TIAM2: variants seen among roughly 807,000 people sequenced by gnomAD.
TIAM2 encodes the protein TIAM Rac1 associated GEF 2, also known as rho guanine nucleotide exchange factor TIAM2.
A neutral mutation model predicts 152.9 loss-of-function variants in TIAM2; 80 were observed. The observed-to-expected ratio is 0.52, with a 90% CI of 0.44 to 0.63. The LOEUF is 0.63. Among genes scored for constraint, TIAM2 ranks in the 30% least tolerant of loss-of-function variants. The pLI, the probability that TIAM2 is intolerant of heterozygous loss-of-function variation, is 0.00. For synonymous variants in TIAM2, 804 were observed against 838.0 expected (o/e 0.96, Z 0.70); for missense variants, 1,965 against 2,120.1 (o/e 0.93, Z 1.44).
chr6:155,198,593 C>G (rs1346895879), intron 14 of TIAM2, among the ~76,000 whole-genome samples: 2 of 130,806 alleles, frequency 1.5e-5, no homozygotes, highest in African/African-American at 5.9e-5. Context: ...ACCCGGGAGG[C>G]AGAGGTTGTG....
At chr6:155,055,870 GAGGAT>G (rs1330265148) in intron 1 of TIAM2, among the ~76,000 whole-genome samples, 1 of 152,088 alleles carries the variant, frequency 6.6e-6, no homozygotes, top group African/African-American at 2.4e-5. Flanking sequence ...TCTGAAGTGG[GAGGAT>G]CCCTTGAGCC....
chr6:155,016,815 G>A (rs928447875), intron 1 of TIAM2, among the ~76,000 whole-genome samples: 2 of 152,150 alleles, frequency 1.3e-5, no homozygotes, highest in Non-Finnish European at 2.9e-5. Context: ...CAGGAGAATC[G>A]CTTGAACCTG....
At position 155,083,809 on chromosome 6, in the gene TIAM2, T is replaced by G. The variant is rs558774110; in HGVS notation, c.-208-6480T>G. ...TGTCTTGGCAAGGGATGGCATAGTA[T>G]TTCCAGAAGTAAAGTCTTATATGCT... On this transcript the variant is annotated intron_variant, in intron 1 of 26. Transcript: ENST00000682666. 2.1e-3 allele frequency among the ~76,000 whole-genome samples: 318 copies of G among 152,334 alleles called. 1 individual carries two copies. The highest frequency in any genetic ancestry group is 7.1e-3 in the African/African-American group (294 of 41,576).
In TIAM2 at chr6:155,130,068, C is replaced by T; in HGVS notation, c.845C>T (p.Pro282Leu). 6.2e-7 allele frequency: 1 copy of T among 1,614,092 alleles called. No homozygotes were observed. The highest frequency in any genetic ancestry group is 1.1e-5 in the South Asian group (1 of 91,082). Residue 282 changes from proline to leucine, a missense_variant, in exon 4 of 27, where the codon CCA becomes CTA. Physicochemically the swap from Pro to Leu is moderately conservative, Grantham distance 98. Coordinates refer to ENST00000682666, the MANE Select transcript of TIAM2 (RefSeq NM_012454.4). ...GACCCCAGTCTCCATGCCAGCTTCC[C>T]ACCTGGCGATGCCAAAAAGCCTTTC... is the stretch of plus-strand genomic sequence containing the variant. Reference protein sequence around the residue: ...MPDPSLHASFPPGDAKKPFNQ... With the variant: ...MPDPSLHASFLPGDAKKPFNQ...
intron 14 of TIAM2, among the ~76,000 whole-genome samples, chr6:155,187,431 T>C (rs1781065575): frequency 6.6e-6 from 1 of 152,034 alleles, no homozygotes; most frequent in Non-Finnish European, 1.5e-5. Flanking sequence ...TAATAATGTT[T>C]AGGAAAATGG....
intron 1 of TIAM2, among the ~76,000 whole-genome samples, chr6:155,004,228 T>A (rs921269434): frequency 3.3e-5 from 5 of 152,068 alleles, no homozygotes; most frequent in African/African-American, 7.2e-5. Context: ...CAAGACAAGA[T>A]GTTTGATTGG....
At chr6:155,070,726 T>A (rs993439746) in intron 1 of TIAM2, among the ~76,000 whole-genome samples, 1 of 152,190 alleles carries the variant, frequency 6.6e-6, no homozygotes, top group Non-Finnish European at 1.5e-5. Flanking sequence ...TGCTGTAAAC[T>A]GATCATCTTA....
At chr6:155,047,700 A>AGAGAGGG (rs1562300184) in intron 1 of TIAM2, among the ~76,000 whole-genome samples, 1 of 25,802 alleles carries the variant, frequency 3.9e-5, no homozygotes, top group African/African-American at 1.7e-4. Context: ...AGAGAGAGAG[A>AGAGAGGG]GAGAGCGAGA....
chr6:155,044,307 G>C (rs973617832), intron 1 of TIAM2, among the ~76,000 whole-genome samples: 1 of 152,170 alleles, frequency 6.6e-6, no homozygotes, highest in Admixed American at 6.6e-5. Flanking sequence ...ACGGGATCAC[G>C]CAGCTATCTT....
rs1033260264 is a variant in TIAM2 at position 155,074,374 on chromosome 6, G to A, written c.-208-15915G>A. ...TTTGTTTGTTTTTTTGTTTTTTGAG[G>A]TGGAGTCTCGCTCAGTCGCCCAGGC... On this transcript the variant is annotated intron_variant, in intron 1 of 26. Transcript: ENST00000682666. 1.1e-4 allele frequency among the ~76,000 whole-genome samples: 17 copies of A among 151,542 alleles called. 1 individual carries two copies. In the South Asian group the frequency reaches 3.1e-3, roughly 28 times the overall value.
At chr6:155,113,387 T>C (rs1045465581) in intron 2 of TIAM2, among the ~76,000 whole-genome samples, 34 of 152,288 alleles carry the variant, frequency 2.2e-4, no homozygotes, top group Admixed American at 1.5e-3. Context: ...CATTTCCTTC[T>C]TTACTATTTT....
rs1303144431 is a variant in TIAM2, at chr6:155,028,671, T to TTA, written c.-209+33188_-209+33189dup. 7.5e-5 allele frequency among the ~76,000 whole-genome samples: 10 copies of TTA among 132,888 alleles called. No individual in the cohort carries two copies. In the South Asian group the frequency reaches 1.9e-3, roughly 25 times the overall value. The allele number at this position is 132,888 out of a possible 152,430, so 87.2% of individuals were successfully genotyped here. On this transcript the variant is annotated intron_variant, in intron 1 of 26. Transcript: ENST00000682666. ...TACTACATATAATATATATACTGTG[T>TTA]TATATATATACTACATATAATATAT...
At chr6:155,073,306 G>T (rs1160874483) in intron 1 of TIAM2, among the ~76,000 whole-genome samples, 1 of 151,906 alleles carries the variant, frequency 6.6e-6, no homozygotes, top group Non-Finnish European at 1.5e-5. Context: ...GGGATTACAG[G>T]CGTGTGCCAC....
chr6:155,050,564 G>T (rs1238151588), intron 1 of TIAM2, among the ~76,000 whole-genome samples: 1 of 152,190 alleles, frequency 6.6e-6, no homozygotes. Context: ...GCTCCTGTCT[G>T]CTTACTGGAG....
intron 2 of TIAM2, among the ~76,000 whole-genome samples, chr6:155,126,186 A>C (rs1484537654): frequency 6.6e-6 from 1 of 152,244 alleles, no homozygotes; most frequent in African/African-American, 2.4e-5. Context: ...CGTGGATGAA[A>C]CTTGAGGGCA....
At position 155,253,067 on chromosome 6, in the gene TIAM2, G is replaced by A. The variant is rs753964236; in HGVS notation, c.4225+14G>A. 5.6e-6 allele frequency: 9 copies of A among 1,603,316 alleles called. No homozygotes were observed. The highest frequency in any genetic ancestry group is 7.7e-6 in the Non-Finnish European group (9 of 1,170,490). ...GGAATCCAGCAGGTAACTGTTTCGT[G>A]CAGTATGATGCCAGAAAAAGCATTT... On this transcript the variant is annotated intron_variant, in intron 24 of 26. Coordinates refer to ENST00000682666, the MANE Select transcript of TIAM2 (RefSeq NM_012454.4).
At chr6:155,096,266 A>T (rs1778419402) in intron 2 of TIAM2, among the ~76,000 whole-genome samples, 1 of 152,184 alleles carries the variant, frequency 6.6e-6, no homozygotes. Flanking sequence ...TATGAATGGT[A>T]ATTCAGCACG....
chr6:155,043,892 T>C (rs1356552308), intron 1 of TIAM2, among the ~76,000 whole-genome samples: 2 of 152,018 alleles, frequency 1.3e-5, no homozygotes, highest in Admixed American at 6.6e-5. Flanking sequence ...GACAATCAAG[T>C]CTAGATACAG....
At chr6:155,091,368 T>A (rs1343717180) in intron 2 of TIAM2, among the ~76,000 whole-genome samples, 1 of 152,216 alleles carries the variant, frequency 6.6e-6, no homozygotes, top group East Asian at 1.9e-4. Flanking sequence ...CTCACCTGTC[T>A]CCAGAGCCCA....
Sources: gnomAD v4.1 joint callset for allele counts (sites outside exome capture counted in the v4.1 genomes callset) on GRCh38, gnomAD v4.1.1 for gene constraint, MANE v1.5 for transcripts, NCBI Gene and HGNC (gene_info 2026-07-23, HGNC 2026-07-21) for gene names.